Variants in RBFOX1 observed in about 807,000 individuals in gnomAD.
RBFOX1 encodes the protein RNA binding fox-1 homolog 1.
Under a neutral mutation model 57.7 loss-of-function variants are expected in RBFOX1, and 8 were observed. The observed-to-expected ratio is 0.14, with a 90% CI of 0.08 to 0.25. The LOEUF (loss-of-function observed/expected upper bound fraction) is 0.25, where lower values mean the gene tolerates loss of function less well. Among genes scored for constraint, RBFOX1 ranks in the 10% least tolerant of loss-of-function variants. RBFOX1 has a pLI of 1.00. For synonymous variants in RBFOX1, 326 were observed against 222.4 expected, an observed-to-expected ratio of 1.47 and a Z score of -4.15; for missense variants, 611 against 548.5, an observed-to-expected ratio of 1.11 and a Z score of -1.14.
At chr16:7,612,946 C>G (rs529058814) in intron 10 of RBFOX1, among the ~76,000 whole-genome samples, 1 of 152,162 alleles carries the variant, frequency 6.6e-6, no homozygotes, top group Non-Finnish European at 1.5e-5. Context: ...ACACACATAA[C>G]TCACTTCCGT....
chr16:7,414,523 A>G (rs915067108), intron 4 of RBFOX1, among the ~76,000 whole-genome samples: 1 of 152,232 alleles, frequency 6.6e-6, no homozygotes. Context: ...CTTTTGATAG[A>G]AAAGTGTGAC....
At chr16:6,561,799 TGTG>T (rs2097182563) in intron 2 of RBFOX1, among the ~76,000 whole-genome samples, 1 of 152,206 alleles carries the variant, frequency 6.6e-6, no homozygotes, top group Non-Finnish European at 1.5e-5. Context: ...TTTCTGAACA[TGTG>T]TAGGGGCCAG....
intron 3 of RBFOX1, among the ~76,000 whole-genome samples, chr16:7,012,289 C>G (rs1173052271): frequency 3.9e-5 from 6 of 152,174 alleles, no homozygotes; most frequent in Admixed American, 2.6e-4. Context: ...CTGAGGCTGA[C>G]AGACCAAATG....
intron 2 of RBFOX1, among the ~76,000 whole-genome samples, chr16:6,361,084 C>T (rs1045387971): frequency 2.6e-5 from 4 of 152,098 alleles, no homozygotes; most frequent in African/African-American, 7.2e-5. Flanking sequence ...CCACCCCTCT[C>T]AGCAATGCAT....
In RBFOX1 at chr16:7,712,291, C is replaced by CA. The variant is rs1248125667; in HGVS notation, c.*1547dup. Reference sequence around the variant, plus strand: ...GCCATAGGTTAAGTCCTCATGTGTACAGTGCAGGCCCTGTGGCCCGCACTT... The same window carrying CA: ...GCCATAGGTTAAGTCCTCATGTGTACAAGTGCAGGCCCTGTGGCCCGCACTT... On this transcript the variant is annotated 3_prime_UTR_variant, in exon 16 of 16. Coordinates refer to ENST00000550418, the MANE Select transcript of RBFOX1 (RefSeq NM_018723.4). 2 of 152,728 alleles carry CA rather than the reference C, an allele frequency of 1.3e-5. No homozygotes were observed. Among genetic ancestry groups the CA allele is most frequent in the Middle Eastern group, 3.4e-3 (1 of 294 alleles). The allele number at this position is 152,728 out of a possible 1,614,324, so 9.5% of individuals were successfully genotyped here.
intron 4 of RBFOX1, among the ~76,000 whole-genome samples, chr16:7,101,199 G>A (rs1036129501): frequency 6.6e-6 from 1 of 152,172 alleles, no homozygotes; most frequent in Non-Finnish European, 1.5e-5. Flanking sequence ...GGCCTATGCA[G>A]GCCCCATTTT....
At chr16:6,850,729 G>C (rs1434990556) in intron 3 of RBFOX1, among the ~76,000 whole-genome samples, 1 of 152,116 alleles carries the variant, frequency 6.6e-6, no homozygotes, top group Non-Finnish European at 1.5e-5. Context: ...ATAAAGAATA[G>C]TGACAATACC....
intron 3 of RBFOX1, among the ~76,000 whole-genome samples, chr16:6,966,791 C>G (rs1201380670): frequency 9.4e-6 from 1 of 105,990 alleles, no homozygotes; most frequent in Non-Finnish European, 1.9e-5. Context: ...ATCTATCTAT[C>G]TGTCTGTCTG....
At chr16:7,429,131 T>C (rs4274456) in intron 4 of RBFOX1, among the ~76,000 whole-genome samples, 112,581 of 152,098 alleles carry the variant, frequency 0.74, 42,904 homozygotes, top group African/African-American at 0.93. Flanking sequence ...CATAAGGCTT[T>C]TCTGACATCT....
intron 1 of RBFOX1, among the ~76,000 whole-genome samples, chr16:6,248,201 A>G (rs1273850358): frequency 1.3e-5 from 2 of 152,180 alleles, no homozygotes; most frequent in African/African-American, 2.4e-5. Flanking sequence ...AGAATAGGTT[A>G]TGTTTTTAAT....
At chr16:7,176,482 T>A (rs2081670777) in intron 4 of RBFOX1, among the ~76,000 whole-genome samples, 1 of 152,106 alleles carries the variant, frequency 6.6e-6, no homozygotes, top group African/African-American at 2.4e-5. Flanking sequence ...GTCAGTAAAC[T>A]ATACCTCTCG....
chr16:6,531,120 T>C (rs1352477411), intron 2 of RBFOX1, among the ~76,000 whole-genome samples: 1 of 152,206 alleles, frequency 6.6e-6, no homozygotes, highest in African/African-American at 2.4e-5. Flanking sequence ...CACTTGTGCT[T>C]ACCATGCCCA....
chr16:7,509,733 ATCTC>A (rs34829096), intron 4 of RBFOX1, among the ~76,000 whole-genome samples: 7,733 of 152,054 alleles, frequency 0.051, 276 homozygotes, highest in East Asian at 0.12. Flanking sequence ...ACCTATTGCT[ATCTC>A]TCTATCTCTT....
At chr16:6,857,391 C>T (rs962028698) in intron 3 of RBFOX1, among the ~76,000 whole-genome samples, 1 of 151,960 alleles carries the variant, frequency 6.6e-6, no homozygotes, top group Non-Finnish European at 1.5e-5. Flanking sequence ...GGTCTCCATC[C>T]TACGAAGCAT....
At chr16:6,901,019 A>G (rs915580242) in intron 3 of RBFOX1, among the ~76,000 whole-genome samples, 9 of 152,110 alleles carry the variant, frequency 5.9e-5, no homozygotes, top group Non-Finnish European at 1.2e-4. Context: ...TATCCCTCCC[A>G]TTCACCGACA....
chr16:5,802,516 C>A (rs967173701), intron 3 of RBFOX1, among the ~76,000 whole-genome samples: 1 of 152,182 alleles, frequency 6.6e-6, no homozygotes, highest in African/African-American at 2.4e-5. Flanking sequence ...TCTGCCATCA[C>A]AGACTCTCAG....
chr16:7,486,077 A>G (rs950621284), intron 4 of RBFOX1, among the ~76,000 whole-genome samples: 2 of 150,302 alleles, frequency 1.3e-5, no homozygotes, highest in Non-Finnish European at 3.0e-5. Context: ...GTGTGTTTGC[A>G]ACTTCACTGT....
At chr16:6,451,062 C>A (rs908715422) in intron 2 of RBFOX1, among the ~76,000 whole-genome samples, 14 of 150,988 alleles carry the variant, frequency 9.3e-5, no homozygotes, top group African/African-American at 3.4e-4. Flanking sequence ...CATATTTCTT[C>A]ACCATTGAGT....
chr16:6,223,968 C>A (rs7197346), intron 1 of RBFOX1, among the ~76,000 whole-genome samples: 142,503 of 152,112 alleles, frequency 0.94, 67,418 homozygotes, highest in East Asian at 1. Flanking sequence ...ACTCCTTTCC[C>A]CATTGCTTGT....
Sources: allele counts gnomAD v4.1 joint callset (sites outside exome capture counted in the v4.1 genomes callset), GRCh38; gene constraint gnomAD v4.1.1; transcripts MANE v1.5; gene names NCBI Gene and HGNC (gene_info 2026-07-23, HGNC 2026-07-21).